MATR3: variants seen among roughly 807,000 people sequenced by gnomAD.
The protein encoded by MATR3 is matrin-3.
Under a neutral mutation model 85.5 loss-of-function variants are expected in MATR3, and 4 were observed. The observed-to-expected ratio is 0.05, with a 90% CI of 0.02 to 0.11. The LOEUF is 0.11. Ranked by LOEUF, MATR3 falls within the 10% of genes least tolerant of loss-of-function variation. The pLI, the probability that MATR3 is intolerant of heterozygous loss-of-function variation, is 1.00. For synonymous variants in MATR3, 336 were observed against 343.1 expected (o/e 0.98, Z 0.23); for missense variants, 685 against 1,016.1 (o/e 0.67, Z 4.43).
At chr5:139,282,938 CT>C (rs1753583135) in intron 3 of MATR3, 1 of 152,372 alleles carries the variant, frequency 6.6e-6, no homozygotes, top group Non-Finnish European at 1.5e-5. Context: ...TCAAGTGATT[CT>C]CCTGCCTCAG....
At chr5:139,301,696 A>G (rs1219259359) in intron 1 of MATR3, among the ~76,000 whole-genome samples, 9 of 152,244 alleles carry the variant, frequency 5.9e-5, no homozygotes, top group African/African-American at 1.7e-4. Flanking sequence ...TTTATGTCGT[A>G]GTTCAAATAG....
chr5:139,278,742 T>C, intron 2 of MATR3: 2 of 496,248 alleles, frequency 4.0e-6, no homozygotes, highest in Non-Finnish European at 8.2e-6. Flanking sequence ...AGTGCCTAGG[T>C]ATCTGAAACA....
intron 1 of MATR3, chr5:139,275,978 G>A (rs1753262023): frequency 2.2e-6 from 1 of 452,544 alleles, no homozygotes; most frequent in African/African-American, 2.0e-5. Flanking sequence ...TGAAAACAAA[G>A]CTAAACAAGG....
intron 12 of MATR3, 136 bp downstream of exon 12, chr5:139,323,103 A>C: frequency 1.1e-6 from 1 of 894,092 alleles, no homozygotes; most frequent in Non-Finnish European, 1.7e-6. Context: ...CAGAATATAA[A>C]CATTTAAATC....
chr5:139,328,528 C>CG (rs1488114473), intron 14 of MATR3, among the ~76,000 whole-genome samples: 4 of 152,098 alleles, frequency 2.6e-5, no homozygotes, highest in Non-Finnish European at 5.9e-5. Context: ...GCTCAGTCAT[C>CG]TGTTTTTGTA....
chr5:139,321,064 CT>C (rs1473999361), intron 9 of MATR3, among the ~76,000 whole-genome samples: 2 of 151,390 alleles, frequency 1.3e-5, no homozygotes, highest in African/African-American at 4.9e-5. Flanking sequence ...CAGCTTATTA[CT>C]TTTTTGCAGA....
At chr5:139,276,040 T>C in intron 1 of MATR3, 3 of 456,768 alleles carry the variant, frequency 6.6e-6, no homozygotes, top group South Asian at 4.6e-5. Context: ...TAGGCCTAAG[T>C]TACCGTGTTT....
chr5:139,291,103 G>A (rs1047480276), upstream of MATR3, among the ~76,000 whole-genome samples: 13 of 152,128 alleles, frequency 8.5e-5, no homozygotes, highest in Non-Finnish European at 1.8e-4. Context: ...CTGAGCAACA[G>A]AGCAAGACCC....
intron 2 of MATR3, chr5:139,276,438 A>T (rs753422543): frequency 6.1e-6 from 2 of 327,332 alleles, no homozygotes; most frequent in Non-Finnish European, 1.2e-5. Flanking sequence ...TGATAGCTAA[A>T]TTTAAAAAAA....
At chr5:139,294,089 T>G in intron 1 of MATR3, 1 of 1,258,864 alleles carries the variant, frequency 7.9e-7, no homozygotes, top group Non-Finnish European at 1.0e-6. Flanking sequence ...GCGGGAGATT[T>G]TGGGTGAAGA....
chr5:139,292,800 A>G (rs921916726), upstream of MATR3, among the ~76,000 whole-genome samples: 3 of 152,176 alleles, frequency 2.0e-5, no homozygotes, highest in Non-Finnish European at 4.4e-5. Context: ...GAAATTAGCC[A>G]GGCGTCGTGG....
Position 139,315,732 on chromosome 5 carries a change from A to C in MATR3, c.1010A>C (p.His337Pro). 1 of 1,610,514 alleles carries C rather than the reference A, an allele frequency of 6.2e-7. No homozygotes were observed. Among genetic ancestry groups the C allele is most frequent in the South Asian group, 1.1e-5 (1 of 90,956 alleles). ...PEWNPDNDTG[H>P]TMGDPFMLQQ... is the part of the protein sequence containing the mutation. The stretch of plus-strand genomic sequence containing the variant: ...TGGAATCCTGACAATGATACAGGAC[A>C]CACAATGTAAGTTAAATTTTTTAAG... The change falls in exon 4 of 15, where the codon CAC (histidine) becomes CCC (proline). Residue 337 changes from histidine to proline, a missense_variant. Physicochemically the swap from His to Pro is moderately conservative, Grantham distance 77. Transcript: ENST00000394805.
intron 7 of MATR3, 67 bp from the exon 8 acceptor site, chr5:139,318,841 A>C: frequency 3.3e-6 from 5 of 1,502,204 alleles, no homozygotes; most frequent in Non-Finnish European, 4.6e-6. Flanking sequence ...TAGGAAAAAA[A>C]ATCTTTAGTT....
intron 12 of MATR3, among the ~76,000 whole-genome samples, chr5:139,325,129 G>C (rs990701335): frequency 2.0e-5 from 3 of 151,862 alleles, no homozygotes; most frequent in Admixed American, 6.6e-5. Flanking sequence ...GGAGGCGGAG[G>C]TTGCAGTGAG....
At position 139,320,307 on chromosome 5, in the gene MATR3, CA is replaced by C. The variant is rs542669499; in HGVS notation, c.1602+817del. Among the ~76,000 whole-genome samples the C allele has an allele frequency of 1.1e-4, 16 of 146,788 alleles. No individual in the cohort carries two copies. In the East Asian group the frequency reaches 2.0e-3, roughly 18 times the overall value. ...TGGGTGACAGAGCAAGACTCCATCT[CA>C]AAAAAAAAAATTTAGAGTTAGGCTG... On this transcript the variant is annotated intron_variant, in intron 9 of 14. Transcript: ENST00000394805.
intron 14 of MATR3, among the ~76,000 whole-genome samples, chr5:139,328,874 G>A (rs191556161): frequency 2.0e-5 from 3 of 152,060 alleles, no homozygotes; most frequent in East Asian, 3.9e-4. Flanking sequence ...GCTTGGTGGC[G>A]GGTGCCTGTA....
At chr5:139,326,592 T>A (rs1445756158) in intron 14 of MATR3, among the ~76,000 whole-genome samples, 1 of 152,068 alleles carries the variant, frequency 6.6e-6, no homozygotes, top group Admixed American at 6.5e-5. Flanking sequence ...AGCTAATTTT[T>A]GTATTTTTAG....
chr5:139,279,189 G>C, intron 3 of MATR3: 1 of 453,360 alleles, frequency 2.2e-6, no homozygotes, highest in Admixed American at 2.4e-5. Flanking sequence ...GATGGGGGTA[G>C]GGGACTTAAA....
chr5:139,322,579 T>C lies in MATR3; in HGVS notation c.1779-19T>C. Reference sequence around the variant, plus strand: ...TTTTCAGACAACAAATTAATTGTGGTGTGTCCTTTTGATTTCAGAAAAAGA... The same window carrying C: ...TTTTCAGACAACAAATTAATTGTGGCGTGTCCTTTTGATTTCAGAAAAAGA... On this transcript the variant is annotated intron_variant, in intron 11 of 14. Transcript: ENST00000394805. The C allele has an allele frequency of 6.3e-7, 1 of 1,583,202 alleles. No individual in the cohort carries two copies. The highest frequency in any genetic ancestry group is 1.7e-4 in the Middle Eastern group (1 of 5,818).
Sources: allele counts gnomAD v4.1 joint callset (sites outside exome capture counted in the v4.1 genomes callset), GRCh38; gene constraint gnomAD v4.1.1; transcripts MANE v1.5; gene names NCBI Gene and HGNC (gene_info 2026-07-23, HGNC 2026-07-21).